Variants in ZMYND11 observed in about 807,000 individuals in gnomAD.
ZMYND11 encodes zinc finger MYND-type containing 11, also known as zinc finger MYND domain-containing protein 11.
A neutral mutation model predicts 84.9 loss-of-function variants in ZMYND11; 9 were observed. The ratio of observed to expected loss-of-function variants is 0.11; its 90% CI spans 0.06 to 0.18. The LOEUF (loss-of-function observed/expected upper bound fraction) is 0.18, where lower values mean the gene tolerates loss of function less well. Ranked by LOEUF, ZMYND11 falls within the 10% of genes least tolerant of loss-of-function variation. The pLI is 1.00. For synonymous variants in ZMYND11, 250 were observed against 244.1 expected (o/e 1.02, Z -0.23); for missense variants, 409 against 761.0 (o/e 0.54, Z 5.44).
At chr10:199,135 A>C (rs763435128) in intron 2 of ZMYND11, among the ~76,000 whole-genome samples, 103 of 152,124 alleles carry the variant, frequency 6.8e-4, no homozygotes, top group Non-Finnish European at 1.3e-3. Context: ...CTGCTAAATG[A>C]ATTATTTTTT....
chr10:186,642 CAAAAAAAAAAAAAAAAAAAAAAAAAA>C (rs56345833), intron 2 of ZMYND11, among the ~76,000 whole-genome samples: 1 of 95,154 alleles, frequency 1.1e-5, no homozygotes. Context: ...AGGACTCTCT[CAAAAAAAAAAAAAAAAAAAAAAAAAA>C]AAAAAAAAAA....
intron 1 of ZMYND11, among the ~76,000 whole-genome samples, chr10:139,281 A>G (rs781798163): frequency 5.9e-5 from 9 of 152,158 alleles, no homozygotes; most frequent in Admixed American, 2.0e-4. Context: ...TGCATTTTCT[A>G]TATTTCCTTG....
At chr10:196,237 C>T (rs529465664) in intron 2 of ZMYND11, among the ~76,000 whole-genome samples, 323 of 152,300 alleles carry the variant, frequency 2.1e-3, no homozygotes, top group African/African-American at 7.3e-3. Flanking sequence ...ACATTATTGA[C>T]ATGCTGTTCG....
intron 4 of ZMYND11, among the ~76,000 whole-genome samples, chr10:230,472 CAAAAAAAAAAAAAAAA>C (rs59145964): frequency 5.7e-5 from 3 of 52,708 alleles, no homozygotes; most frequent in African/African-American, 8.0e-5. Context: ...GACTCAGTCT[CAAAAAAAAAAAAAAAA>C]AAAAAAAAAA....
At chr10:137,761 A>T (rs1354217264) in intron 1 of ZMYND11, among the ~76,000 whole-genome samples, 4 of 152,194 alleles carry the variant, frequency 2.6e-5, no homozygotes, top group African/African-American at 7.2e-5. Flanking sequence ...AGGTTACATT[A>T]TAGTTGTTAT....
intron 1 of ZMYND11, among the ~76,000 whole-genome samples, chr10:136,586 C>T (rs1467759682): frequency 6.6e-6 from 1 of 152,050 alleles, no homozygotes; most frequent in African/African-American, 2.4e-5. Flanking sequence ...TGCCTGGTAC[C>T]CTGCTGCCAT....
intron 1 of ZMYND11, among the ~76,000 whole-genome samples, chr10:165,323 TCCTAGTTCTTAGGGG>T (rs373024248): frequency 3.2e-3 from 481 of 152,242 alleles, no homozygotes; most frequent in African/African-American, 0.011. Flanking sequence ...CTAGATTTGC[TCCTAGTTCTTAGGGG>T]CCTAGGTCAC....
chr10:159,167 A>G (rs1423294667), intron 1 of ZMYND11, among the ~76,000 whole-genome samples: 2 of 148,324 alleles, frequency 1.3e-5, no homozygotes, highest in Non-Finnish European at 3.0e-5. Context: ...TGGATGCCCC[A>G]TACCGTATTC....
intron 7 of ZMYND11, 152 bp downstream of exon 7, chr10:239,677 T>C (rs192783883): frequency 3.3e-5 from 22 of 669,418 alleles, no homozygotes; most frequent in Middle Eastern, 3.8e-4. Context: ...TCTGGTGATA[T>C]AGATTATAGA....
chr10:155,015 T>C (rs1841370188), intron 1 of ZMYND11: 3 of 152,202 alleles, frequency 2.0e-5, no homozygotes, highest in African/African-American at 7.2e-5. Context: ...CAGTAGTGGC[T>C]TAGTATATGA....
chr10:172,255 G>A (rs559337422), intron 1 of ZMYND11, among the ~76,000 whole-genome samples: 2 of 152,048 alleles, frequency 1.3e-5, no homozygotes, highest in African/African-American at 4.8e-5. Flanking sequence ...ACTAGCTAAT[G>A]CAATAAGATA....
intron 1 of ZMYND11, among the ~76,000 whole-genome samples, chr10:169,533 G>A (rs1485527723): frequency 6.6e-6 from 1 of 152,140 alleles, no homozygotes; most frequent in Non-Finnish European, 1.5e-5. Context: ...AATGCTAAGA[G>A]TTTTAATGCC....
At chr10:225,719 C>T (rs139780809) in intron 4 of ZMYND11, among the ~76,000 whole-genome samples, 163 of 152,254 alleles carry the variant, frequency 1.1e-3, no homozygotes, top group Non-Finnish European at 1.7e-3. Flanking sequence ...ACTTTGAAGG[C>T]ATGGTTAGAG....
At chr10:145,234 ATG>A (rs1483612112) in intron 1 of ZMYND11, among the ~76,000 whole-genome samples, 7 of 140,410 alleles carry the variant, frequency 5.0e-5, no homozygotes, top group African/African-American at 1.7e-4. Context: ...GTGTATATAT[ATG>A]TGTGTGTATG....
At chr10:166,360 G>A (rs1196541638) in intron 1 of ZMYND11, among the ~76,000 whole-genome samples, 1 of 151,988 alleles carries the variant, frequency 6.6e-6, no homozygotes, top group Non-Finnish European at 1.5e-5. Flanking sequence ...ATACTGGATT[G>A]GTATCTAGAA....
At chr10:142,514 AC>A (rs1399919987) in intron 1 of ZMYND11, among the ~76,000 whole-genome samples, 1 of 152,162 alleles carries the variant, frequency 6.6e-6, no homozygotes, top group Non-Finnish European at 1.5e-5. Context: ...GAGGGAATAG[AC>A]TTAGAAGGGT....
chr10:245,438 C>T (rs1483092359), intron 10 of ZMYND11, among the ~76,000 whole-genome samples: 5 of 152,060 alleles, frequency 3.3e-5, no homozygotes, highest in Admixed American at 6.5e-5. Context: ...ATTTCTGGAG[C>T]GCTATAATTA....
intron 1 of ZMYND11, among the ~76,000 whole-genome samples, chr10:142,473 T>C (rs1287904710): frequency 6.6e-6 from 1 of 152,150 alleles, no homozygotes; most frequent in Non-Finnish European, 1.5e-5. Flanking sequence ...AGAGGCGTCA[T>C]GAGGGATGTG....
intron 3 of ZMYND11, among the ~76,000 whole-genome samples, chr10:216,721 ACTTTC>A (rs1332691083): frequency 2.6e-5 from 4 of 152,164 alleles, no homozygotes; most frequent in Admixed American, 2.6e-4. Flanking sequence ...TTGGTAAAAT[ACTTTC>A]CTTCTTATTC....
Sources: gnomAD v4.1 joint callset for allele counts (sites outside exome capture counted in the v4.1 genomes callset) on GRCh38, gnomAD v4.1.1 for gene constraint, MANE v1.5 for transcripts, NCBI Gene and HGNC (gene_info 2026-07-23, HGNC 2026-07-21) for gene names.